The following RANBP2 variants were observed in gnomAD, a reference collection of about 807,000 sequenced individuals.
RANBP2 encodes the protein RAN binding protein 2.
A neutral mutation model predicts 303.6 loss-of-function variants in RANBP2; 57 were observed. The ratio of observed to expected loss-of-function variants is 0.19; its 90% CI spans 0.15 to 0.23. The LOEUF is 0.23. Among genes scored for constraint, RANBP2 ranks in the 10% least tolerant of loss-of-function variants. The probability of loss-of-function intolerance (pLI) is 1.00; values close to 1 mark genes in which losing one functional copy is unlikely to be tolerated. For synonymous variants in RANBP2, 1,167 were observed against 1,301.5 expected (o/e 0.90, Z 2.23); for missense variants, 3,138 against 3,780.8 (o/e 0.83, Z 4.46).
At chr2:109,331,065 A>C in the RANBP2 span, among the ~76,000 whole-genome samples, 2 of 152,236 alleles carry the variant, frequency 1.3e-5, no homozygotes, top group Non-Finnish European at 2.9e-5. Flanking sequence ...AATCTAAAAA[A>C]GACTCCTCAG....
At position 108,758,458 on chromosome 2, in the gene RANBP2, C is replaced by T; in HGVS notation, c.2512C>T (p.Pro838Ser). 6.2e-7 allele frequency: 1 copy of T among 1,611,538 alleles called. No homozygotes were observed. Among genetic ancestry groups the T allele is most frequent in the Non-Finnish European group, 8.5e-7 (1 of 1,179,810 alleles). The change falls in exon 18 of 29, where the codon CCT becomes TCT. Residue 838 changes from proline (P) to serine (S), a missense_variant. Physicochemically the swap from Pro to Ser is moderately conservative, Grantham distance 74. Coordinates refer to ENST00000283195, the MANE Select transcript of RANBP2 (RefSeq NM_006267.5). ...LKLNSSNSASPHRWPTENYGP... is the reference protein window; with the variant it reads ...LKLNSSNSASSHRWPTENYGP... ...ACTAAATAGCAGTAACTCAGCATCC[C>T]CTCATCGTTGGCCCACAGAGAATTA...
chr2:109,424,214 C>T, the RANBP2 span, among the ~76,000 whole-genome samples: 3 of 152,182 alleles, frequency 2.0e-5, no homozygotes, highest in Non-Finnish European at 4.4e-5. Flanking sequence ...GACAGCCCTG[C>T]GGAGTTTCCC....
chr2:108,794,406 T>C, the RANBP2 span: 3 of 811,810 alleles, frequency 3.7e-6, no homozygotes, highest in South Asian at 7.8e-5. Flanking sequence ...ATTTGCTATA[T>C]TTTTCTTTGT....
the RANBP2 span, among the ~76,000 whole-genome samples, chr2:109,237,902 T>C: frequency 6.6e-6 from 1 of 152,216 alleles, no homozygotes; most frequent in Non-Finnish European, 1.5e-5. Context: ...AAATAAGCTA[T>C]GGTATATAAA....
At chr2:109,395,433 G>C in the RANBP2 span, among the ~76,000 whole-genome samples, 1 of 152,346 alleles carries the variant, frequency 6.6e-6, no homozygotes, top group South Asian at 2.1e-4. Context: ...CGGTTCGCCT[G>C]CCTGGCTGCT....
At chr2:109,052,352 G>A in the RANBP2 span, among the ~76,000 whole-genome samples, 3 of 152,120 alleles carry the variant, frequency 2.0e-5, no homozygotes, top group Admixed American at 6.5e-5. Flanking sequence ...AAAGGGGGGC[G>A]TATTGCAACA....
the RANBP2 span, among the ~76,000 whole-genome samples, chr2:109,304,263 C>T: frequency 1.3e-5 from 2 of 152,098 alleles, no homozygotes; most frequent in African/African-American, 2.4e-5. Flanking sequence ...AACCCCAGCC[C>T]CTGGTAACCA....
the RANBP2 span, among the ~76,000 whole-genome samples, chr2:109,770,129 G>A: frequency 9.9e-6 from 1 of 100,638 alleles, no homozygotes; most frequent in Non-Finnish European, 1.9e-5. Context: ...GCGACATTCA[G>A]GAGTTCCTTA....
the RANBP2 span, among the ~76,000 whole-genome samples, chr2:109,373,121 C>T: frequency 6.6e-6 from 1 of 151,810 alleles, no homozygotes; most frequent in East Asian, 1.9e-4. Context: ...GCAGATAATT[C>T]ACACACACAC....
the RANBP2 span, among the ~76,000 whole-genome samples, chr2:108,831,404 A>G: frequency 6.6e-6 from 1 of 152,220 alleles, no homozygotes; most frequent in Non-Finnish European, 1.5e-5. Flanking sequence ...GAAACATTCA[A>G]AAGATAAGAA....
At chr2:109,689,400 T>G in the RANBP2 span, among the ~76,000 whole-genome samples, 1 of 152,060 alleles carries the variant, frequency 6.6e-6, no homozygotes, top group African/African-American at 2.4e-5. Flanking sequence ...GATGGACCTT[T>G]GCAGCCTGAA....
chr2:109,672,882 T>C, the RANBP2 span, among the ~76,000 whole-genome samples: 10 of 152,354 alleles, frequency 6.6e-5, no homozygotes, highest in East Asian at 1.9e-3. Context: ...TCTCAATACA[T>C]TGCCTCAATG....
chr2:108,834,693 A>G, the RANBP2 span, among the ~76,000 whole-genome samples: 1 of 152,210 alleles, frequency 6.6e-6, no homozygotes, highest in South Asian at 2.1e-4. Context: ...CATCATCGCT[A>G]TCAATTTCAA....
At chr2:109,034,800 A>T in the RANBP2 span, among the ~76,000 whole-genome samples, 2 of 152,106 alleles carry the variant, frequency 1.3e-5, no homozygotes, top group East Asian at 3.9e-4. Context: ...CTTAGGTAAA[A>T]CCCCTCTCCT....
chr2:109,466,576 A>G, the RANBP2 span, among the ~76,000 whole-genome samples: 2 of 152,132 alleles, frequency 1.3e-5, no homozygotes, highest in African/African-American at 4.8e-5. Flanking sequence ...ACAAGTTGTT[A>G]ATTTTCATGG....
At chr2:109,561,111 G>A in the RANBP2 span, among the ~76,000 whole-genome samples, 1 of 152,110 alleles carries the variant, frequency 6.6e-6, no homozygotes, top group Non-Finnish European at 1.5e-5. Flanking sequence ...GGCCTCCACA[G>A]CTGCTGCCTG....
At chr2:109,611,978 G>A in the RANBP2 span, among the ~76,000 whole-genome samples, 1 of 152,016 alleles carries the variant, frequency 6.6e-6, no homozygotes, top group Non-Finnish European at 1.5e-5. Context: ...TGTATTCCTG[G>A]GCATCTATCC....
intron 4 of RANBP2, among the ~76,000 whole-genome samples, chr2:108,735,158 G>A (rs188634550): frequency 6.6e-6 from 1 of 152,290 alleles, no homozygotes; most frequent in African/African-American, 2.4e-5. Flanking sequence ...AGGGGATGCG[G>A]GATTGAGTCA....
chr2:109,379,426 C>A, the RANBP2 span, among the ~76,000 whole-genome samples: 1 of 152,060 alleles, frequency 6.6e-6, no homozygotes, highest in Non-Finnish European at 1.5e-5. Flanking sequence ...TCCAGGCGAG[C>A]CCCTCGCATG....
Sources: allele counts gnomAD v4.1 joint callset (sites outside exome capture counted in the v4.1 genomes callset), GRCh38; gene constraint gnomAD v4.1.1; transcripts MANE v1.5; gene names NCBI Gene and HGNC (gene_info 2026-07-23, HGNC 2026-07-21).